Variants in RBFOX2 observed in about 807,000 individuals in gnomAD.
RBFOX2 encodes RNA binding protein fox-1 homolog 2.
Under a neutral mutation model 49.1 loss-of-function variants are expected in RBFOX2, and 10 were observed. That is an observed-to-expected ratio of 0.20 (90% CI 0.13 to 0.35). RBFOX2 has a LOEUF of 0.35. Ranked by LOEUF, RBFOX2 falls within the 10% of genes least tolerant of loss-of-function variation. The pLI is 1.00. For missense variants in RBFOX2, 323 were observed against 486.9 expected, an observed-to-expected ratio of 0.66 and a Z score of 3.17; for synonymous variants, 183 against 187.4, an observed-to-expected ratio of 0.98 and a Z score of 0.19.
chr22:35,811,145 A>G (rs1185104569), intron 1 of RBFOX2, among the ~76,000 whole-genome samples: 1 of 152,108 alleles, frequency 6.6e-6, no homozygotes, highest in Non-Finnish European at 1.5e-5. Context: ...GTGGTGAAAG[A>G]AAAAAGGCAG....
At chr22:35,786,976 G>T (rs558531435) in intron 2 of RBFOX2, among the ~76,000 whole-genome samples, 3 of 152,066 alleles carry the variant, frequency 2.0e-5, no homozygotes, top group Admixed American at 2.0e-4. Flanking sequence ...AAGAGTCTCC[G>T]GGAGTGGAGA....
intron 1 of RBFOX2, among the ~76,000 whole-genome samples, chr22:35,971,209 A>G (rs1311637947): frequency 6.6e-6 from 1 of 152,108 alleles, no homozygotes; most frequent in African/African-American, 2.4e-5. Context: ...TGTGGGTGCA[A>G]AACACCTTCC....
At chr22:36,017,400 G>T (rs1468377545) in intron 1 of RBFOX2, among the ~76,000 whole-genome samples, 1 of 152,184 alleles carries the variant, frequency 6.6e-6, no homozygotes, top group East Asian at 1.9e-4. Flanking sequence ...GGTGGTGGGT[G>T]CCTGTAAATC....
chr22:35,801,207 T>TA (rs1439523236), intron 2 of RBFOX2, among the ~76,000 whole-genome samples: 9 of 152,220 alleles, frequency 5.9e-5, no homozygotes, highest in Non-Finnish European at 1.2e-4. Flanking sequence ...GAGGTATCAT[T>TA]AATAAATCTG....
chr22:35,865,293 A>C (rs1463774601), intron 1 of RBFOX2, among the ~76,000 whole-genome samples: 1 of 151,938 alleles, frequency 6.6e-6, no homozygotes, highest in Non-Finnish European at 1.5e-5. Flanking sequence ...ATGAGTTTTT[A>C]AGATCAACAC....
intron 1 of RBFOX2, among the ~76,000 whole-genome samples, chr22:36,007,005 G>A (rs186470658): frequency 1.3e-5 from 2 of 152,304 alleles, no homozygotes; most frequent in East Asian, 1.9e-4. Flanking sequence ...ACCCATGGGT[G>A]CATGTCTAGC....
At chr22:35,840,878 G>T (rs1443099649), upstream of RBFOX2, among the ~76,000 whole-genome samples, 1 of 152,152 alleles carries the variant, frequency 6.6e-6, no homozygotes, top group Non-Finnish European at 1.5e-5. Flanking sequence ...AGATGCAGTG[G>T]ATTTAACAAG....
chr22:35,976,583 C>A (rs548745916), intron 1 of RBFOX2, among the ~76,000 whole-genome samples: 1 of 152,248 alleles, frequency 6.6e-6, no homozygotes, highest in South Asian at 2.1e-4. Context: ...AAAGTAATAA[C>A]AGAATGAATG....
intron 4 of RBFOX2, among the ~76,000 whole-genome samples, chr22:35,777,080 C>T (rs1405648251): frequency 2.6e-5 from 4 of 151,052 alleles, no homozygotes; most frequent in Non-Finnish European, 5.9e-5. Context: ...GGCGCAATCT[C>T]GGCTCACTGT....
At chr22:35,936,088 T>G (rs932479348) in intron 1 of RBFOX2, among the ~76,000 whole-genome samples, 2 of 152,002 alleles carry the variant, frequency 1.3e-5, no homozygotes, top group Non-Finnish European at 2.9e-5. Flanking sequence ...GGCACACACC[T>G]GTGGTCCCAG....
At chr22:35,785,373 C>G (rs1359493944) in intron 2 of RBFOX2, among the ~76,000 whole-genome samples, 2 of 152,266 alleles carry the variant, frequency 1.3e-5, no homozygotes, top group East Asian at 3.9e-4. Context: ...GAAGTGCATG[C>G]CAAACCCGAT....
At chr22:35,980,837 G>C (rs1380853644) in intron 1 of RBFOX2, among the ~76,000 whole-genome samples, 1 of 152,162 alleles carries the variant, frequency 6.6e-6, no homozygotes, top group Non-Finnish European at 1.5e-5. Context: ...GAATGGGATC[G>C]GGCTCAGGAA....
In RBFOX2 at chr22:35,856,924, C is replaced by T. The variant is rs145745190; in HGVS notation, c.-33-46920G>A. The stretch of plus-strand genomic sequence containing the variant: ...ACGTGCGCCTGTAATCCCAACTACT[C>T]GGGAGGTTGAGGCAGGAGAATTGCC... On this transcript the variant is annotated intron_variant, in intron 1 of 13. Coordinates refer to the RBFOX2 transcript ENST00000359369. 5.0e-3 allele frequency among the ~76,000 whole-genome samples: 757 copies of T among 152,156 alleles called. 2 individuals carry two copies. The highest frequency in any genetic ancestry group is 7.0e-3 in the Non-Finnish European group (474 of 67,998).
chr22:35,864,284 T>C (rs1158623301), intron 1 of RBFOX2, among the ~76,000 whole-genome samples: 2 of 152,172 alleles, frequency 1.3e-5, no homozygotes, highest in Non-Finnish European at 2.9e-5. Context: ...ATAAGTGAAA[T>C]AAACATAGAA....
At chr22:36,001,470 T>C (rs1403762888) in intron 1 of RBFOX2, among the ~76,000 whole-genome samples, 1 of 152,134 alleles carries the variant, frequency 6.6e-6, no homozygotes, top group Admixed American at 6.5e-5. Context: ...ACTAAAAATA[T>C]ACAAATTAGG....
intron 2 of RBFOX2, among the ~76,000 whole-genome samples, chr22:35,807,471 G>A (rs1950977349): frequency 6.6e-6 from 1 of 151,636 alleles, no homozygotes; most frequent in African/African-American, 2.4e-5. Flanking sequence ...CAAACATTTG[G>A]AAAGGAAACA....
At chr22:35,839,584 T>C (rs748694824) in intron 1 of RBFOX2, among the ~76,000 whole-genome samples, 2 of 152,188 alleles carry the variant, frequency 1.3e-5, no homozygotes, top group Admixed American at 6.5e-5. Context: ...TTCAGATTCG[T>C]TCTCCTGTCA....
chr22:35,951,755 T>G (rs2054968225), intron 1 of RBFOX2, among the ~76,000 whole-genome samples: 1 of 152,224 alleles, frequency 6.6e-6, no homozygotes, highest in African/African-American at 2.4e-5. Context: ...GTAAGGAAAC[T>G]GAGGCTCAGA....
rs181623639 is a variant in RBFOX2, at chr22:35,758,150, T to A, written c.887+1738A>T. Among the ~76,000 whole-genome samples, 164 of 152,300 alleles carry A rather than the reference T, an allele frequency of 1.1e-3. 1 individual carries two copies. Among genetic ancestry groups the A allele is most frequent in the Middle Eastern group, 0.01 (3 of 294 alleles). ...TGGACTTATTCCTTGCCATCTTCCATGTAAACAGGTGGTTTAGTTAATAAA... is the reference window on the plus strand; with the variant it reads ...TGGACTTATTCCTTGCCATCTTCCAAGTAAACAGGTGGTTTAGTTAATAAA... On this transcript the variant is annotated intron_variant, in intron 9 of 11. Coordinates refer to ENST00000405409, the Ensembl canonical transcript of RBFOX2.
Sources: allele counts gnomAD v4.1 joint callset (sites outside exome capture counted in the v4.1 genomes callset), GRCh38; gene constraint gnomAD v4.1.1; transcripts MANE v1.5; gene names NCBI Gene and HGNC (gene_info 2026-07-23, HGNC 2026-07-21).